Variants in ALK observed in about 807,000 individuals in gnomAD.
The protein encoded by ALK is ALK receptor tyrosine kinase, also known as ALK tyrosine kinase receptor.
ALK carries 74 observed loss-of-function variants against 163.1 expected under a neutral mutation model. The ratio of observed to expected loss-of-function variants is 0.45; its 90% CI spans 0.38 to 0.55. ALK has a LOEUF of 0.55. Ranked by LOEUF, ALK falls within the 20% of genes least tolerant of loss-of-function variation. ALK has a pLI of 0.00. For missense variants in ALK, 2,063 were observed against 2,105.3 expected (o/e 0.98, Z 0.39); for synonymous variants, 960 against 843.2 (o/e 1.14, Z -2.40).
intron 3 of ALK, among the ~76,000 whole-genome samples, chr2:29,572,352 C>T (rs1254744514): frequency 1.3e-5 from 2 of 152,174 alleles, no homozygotes; most frequent in Non-Finnish European, 2.9e-5. Flanking sequence ...TTAAATGAAA[C>T]GTTTCAGACT....
At chr2:29,230,915 T>C (rs1389881931) in intron 15 of ALK, among the ~76,000 whole-genome samples, 1 of 152,192 alleles carries the variant, frequency 6.6e-6, no homozygotes, top group African/African-American at 2.4e-5. Context: ...CCATGCGCTG[T>C]GCTTTCATCC....
chr2:29,749,896 A>T (rs1050613223), intron 1 of ALK, among the ~76,000 whole-genome samples: 3 of 152,226 alleles, frequency 2.0e-5, no homozygotes, highest in African/African-American at 7.2e-5. Flanking sequence ...GACCTATGGT[A>T]ATCAGAAGTG....
chr2:29,902,711 T>A (rs1485542944), intron 1 of ALK, among the ~76,000 whole-genome samples: 1 of 152,216 alleles, frequency 6.6e-6, no homozygotes, highest in Non-Finnish European at 1.5e-5. Context: ...CCATACTCTG[T>A]GGTCCCCACC....
intron 3 of ALK, among the ~76,000 whole-genome samples, chr2:29,587,244 T>C (rs968781017): frequency 1.3e-5 from 2 of 152,212 alleles, no homozygotes; most frequent in African/African-American, 4.8e-5. Flanking sequence ...TTCCTGGCTA[T>C]TGCCTGATGT....
rs1239282210 is a variant in ALK at position 29,532,124 on chromosome 2, G to A, written c.953-8C>T. 4 of 1,613,844 alleles carry A rather than the reference G, an allele frequency of 2.5e-6. No homozygotes were observed. The highest frequency in any genetic ancestry group is 3.3e-4 in the Middle Eastern group (2 of 6,036). On this transcript the variant is annotated splice_polypyrimidine_tract_variant and splice_region_variant and intron_variant, in intron 3 of 28. Coordinates refer to ENST00000389048, the MANE Select transcript of ALK (RefSeq NM_004304.5). ...TGAGAAGGAGAAAGGAGCCTGGAAA[G>A]AGACAGGGAAAACGAATCTGCAGAT...
At chr2:29,420,358 T>G (rs1669987086) in intron 4 of ALK, among the ~76,000 whole-genome samples, 1 of 151,514 alleles carries the variant, frequency 6.6e-6, no homozygotes, top group Non-Finnish European at 1.5e-5. Flanking sequence ...AGGTTTTAAA[T>G]GCTACTTAGA....
intron 28 of ALK, 77 bp downstream of exon 28, chr2:29,196,693 T>A (rs774985605): frequency 4.8e-6 from 5 of 1,047,980 alleles, no homozygotes; most frequent in Non-Finnish European, 7.5e-6. Context: ...CTTGACCTAT[T>A]TCATATTTCG....
At chr2:29,739,802 T>C (rs370886855) in intron 1 of ALK, among the ~76,000 whole-genome samples, 2 of 152,064 alleles carry the variant, frequency 1.3e-5, no homozygotes, top group South Asian at 4.1e-4. Flanking sequence ...TCAATGTGAG[T>C]TCACTCCCCA....
At chr2:29,340,098 G>T (rs1667745659) in intron 5 of ALK, among the ~76,000 whole-genome samples, 1 of 152,118 alleles carries the variant, frequency 6.6e-6, no homozygotes, top group Non-Finnish European at 1.5e-5. Flanking sequence ...AATTTCATCT[G>T]TAATATTATA....
rs566790607 is a variant in ALK at position 29,357,377 on chromosome 2, C to T, written c.1282+26355G>A. Among the ~76,000 whole-genome samples, 14 of 152,318 alleles carry T rather than the reference C, an allele frequency of 9.2e-5. 1 individual carries two copies. Among genetic ancestry groups the T allele is most frequent in the African/African-American group, 2.9e-4 (12 of 41,578 alleles). ...CCAATTTTCTCCCCCGCTGGCAGGG[C>T]TCAGCTCACGCTGATCTTTGAAGAC... On this transcript the variant is annotated intron_variant, in intron 5 of 28. Coordinates refer to ENST00000389048, the MANE Select transcript of ALK (RefSeq NM_004304.5).
intron 3 of ALK, among the ~76,000 whole-genome samples, chr2:29,654,953 G>A (rs946663775): frequency 3.3e-5 from 5 of 152,086 alleles, no homozygotes; most frequent in Non-Finnish European, 7.4e-5. Context: ...CGAACTGGCT[G>A]CTTCTGTCAT....
At chr2:29,463,790 T>G (rs1671141538) in intron 4 of ALK, among the ~76,000 whole-genome samples, 1 of 152,134 alleles carries the variant, frequency 6.6e-6, no homozygotes, top group Non-Finnish European at 1.5e-5. Context: ...TACTAATTCA[T>G]GCATGCATGA....
chr2:29,716,977 C>T (rs1269885003), intron 2 of ALK, among the ~76,000 whole-genome samples: 2 of 112,230 alleles, frequency 1.8e-5, no homozygotes, highest in African/African-American at 3.5e-5. Context: ...ACAGTCAAAC[C>T]CCGTGTCTAC....
At chr2:29,564,362 T>C (rs1290837790) in intron 3 of ALK, among the ~76,000 whole-genome samples, 7 of 152,132 alleles carry the variant, frequency 4.6e-5, no homozygotes, top group Non-Finnish European at 7.4e-5. Flanking sequence ...AAACAGACAC[T>C]GTCAAATGGA....
intron 26 of ALK, 99 bp from the exon 27 acceptor site, chr2:29,197,775 T>TC (rs1669061416): frequency 4.8e-6 from 5 of 1,039,590 alleles, no homozygotes; most frequent in East Asian, 2.4e-5. Flanking sequence ...AACCTTTTTT[T>TC]CCCCCATTAT....
intron 1 of ALK, among the ~76,000 whole-genome samples, chr2:29,733,011 C>T (rs2148318857): frequency 6.6e-6 from 1 of 151,782 alleles, no homozygotes; most frequent in Non-Finnish European, 1.5e-5. Flanking sequence ...ATAAGACCAA[C>T]AGAGAGAAGC....
chr2:29,788,845 CAG>C (rs1664111799), intron 1 of ALK, among the ~76,000 whole-genome samples: 2 of 152,186 alleles, frequency 1.3e-5, no homozygotes, highest in African/African-American at 2.4e-5. Flanking sequence ...CTTATTCAGA[CAG>C]AGCTTTATGG....
intron 1 of ALK, among the ~76,000 whole-genome samples, chr2:29,904,113 C>T (rs999484040): frequency 2.6e-5 from 4 of 152,162 alleles, no homozygotes; most frequent in Non-Finnish European, 4.4e-5. Flanking sequence ...ACTCACATTA[C>T]AGTTTTTAAA....
chr2:29,909,729 C>T (rs1016397075), intron 1 of ALK, among the ~76,000 whole-genome samples: 1 of 152,124 alleles, frequency 6.6e-6, no homozygotes, highest in Non-Finnish European at 1.5e-5. Context: ...GAGGAGAGAC[C>T]TCATTGAATA....
Sources: gnomAD v4.1 joint callset for allele counts (sites outside exome capture counted in the v4.1 genomes callset) on GRCh38, gnomAD v4.1.1 for gene constraint, MANE v1.5 for transcripts, NCBI Gene and HGNC (gene_info 2026-07-23, HGNC 2026-07-21) for gene names.